Variants in PCNX4 observed in about 807,000 individuals in gnomAD.
The protein encoded by PCNX4 is pecanex-like protein 4.
PCNX4 carries 103 observed loss-of-function variants against 107.2 expected under a neutral mutation model. That is an observed-to-expected ratio of 0.96 (90% CI 0.82 to 1.13). The LOEUF is 1.13. PCNX4 is among the 50% of genes most tolerant of loss of function. The pLI, the probability that PCNX4 is intolerant of heterozygous loss-of-function variation, is 0.00. For missense variants in PCNX4, 1,528 were observed against 1,379.4 expected, an observed-to-expected ratio of 1.11 and a Z score of -1.71; for synonymous variants, 541 against 481.7, an observed-to-expected ratio of 1.12 and a Z score of -1.61.
chr14:60,126,778 G>A (rs1371838688), intron 10 of PCNX4, among the ~76,000 whole-genome samples: 2 of 152,158 alleles, frequency 1.3e-5, no homozygotes, highest in Non-Finnish European at 2.9e-5. Flanking sequence ...CTGGCCAACC[G>A]CACTTACGGG....
At position 60,118,358 on chromosome 14, in the gene PCNX4, G is replaced by A. The variant is rs757648965; in HGVS notation, c.1608G>A (p.Gln536=). The change falls in exon 7 of 11, where the codon CAG becomes CAA. Residue 536 remains glutamine (Q), a synonymous_variant. Coordinates refer to ENST00000406854, the MANE Select transcript of PCNX4 (RefSeq NM_001330177.2). ...LVGIIRDRLI[Q]FISKLQFAVT... ...GTATCATACGTGATCGTTTGATTCA[G>A]TTCATCTCTAAATTGCAGTTTGCCG... 2 of 1,612,466 alleles carry A rather than the reference G, an allele frequency of 1.2e-6. No homozygotes were observed. Among genetic ancestry groups the A allele is most frequent in the African/African-American group, 1.3e-5 (1 of 75,008 alleles).
At chr14:60,105,050 A>G (rs1444213015) in intron 1 of PCNX4, among the ~76,000 whole-genome samples, 2 of 152,158 alleles carry the variant, frequency 1.3e-5, no homozygotes, top group African/African-American at 4.8e-5. Flanking sequence ...CATTATACCA[A>G]TTATGCATTC....
At position 60,144,078 on chromosome 14, in the gene PCNX4, T is replaced by C. The variant is rs1896340552; in HGVS notation, c.*9857T>C. On this transcript the variant is annotated 3_prime_UTR_variant, in exon 11 of 11. Coordinates refer to ENST00000406854, the MANE Select transcript of PCNX4 (RefSeq NM_001330177.2). ...TAATACCATCTATCTTAGTGGGCTG[T>C]TATGAGGAATGAGTTAATTAACTAA... 6.6e-6 allele frequency: 1 copy of C among 152,170 alleles called. No individual in the cohort carries two copies. The highest frequency in any genetic ancestry group is 1.9e-4 in the East Asian group (1 of 5,200). 9.4% of individuals were successfully genotyped at this position (152,170 alleles called of 1,614,324 possible).
chr14:60,102,295 A>G (rs1895547084), intron 1 of PCNX4, among the ~76,000 whole-genome samples: 1 of 147,352 alleles, frequency 6.8e-6, no homozygotes. Flanking sequence ...AAATCAACCA[A>G]TCAATAAAAA....
chr14:60,102,908 T>C (rs532703848), intron 1 of PCNX4, among the ~76,000 whole-genome samples: 1 of 152,304 alleles, frequency 6.6e-6, no homozygotes, highest in South Asian at 2.1e-4. Context: ...CTCCTACAAA[T>C]AAAGTATTTT....
At chr14:60,122,022 TG>T (rs1895964910) in intron 8 of PCNX4, among the ~76,000 whole-genome samples, 2 of 152,208 alleles carry the variant, frequency 1.3e-5, no homozygotes, top group Admixed American at 6.5e-5. Context: ...TCTGTCCTTC[TG>T]GTTGTTCAGG....
intron 6 of PCNX4, 111 bp from the exon 7 acceptor site, chr14:60,118,218 C>T: frequency 1.5e-6 from 2 of 1,294,374 alleles, no homozygotes; most frequent in Non-Finnish European, 9.9e-7. Context: ...TTTATTTCTT[C>T]AAAAATACTG....
chr14:60,112,509 A>T (rs570413957), intron 2 of PCNX4, among the ~76,000 whole-genome samples: 3 of 152,342 alleles, frequency 2.0e-5, no homozygotes, highest in African/African-American at 7.2e-5. Flanking sequence ...TATACAGGAG[A>T]ATAATCACAA....
At position 60,096,585 on chromosome 14, in the gene PCNX4, A is replaced by G. The variant is rs143870654; in HGVS notation, c.-54+4166A>G. 4.9e-3 allele frequency among the ~76,000 whole-genome samples: 752 copies of G among 152,358 alleles called. 14 individuals are homozygous for G. Among genetic ancestry groups the G allele is most frequent in the African/African-American group, 0.017 (711 of 41,586 alleles). On this transcript the variant is annotated intron_variant, in intron 1 of 10. Transcript: ENST00000406854. ...AACCACTCTGGAGGTAACCACGGCCATAAGTTAGTGCCACATAGCCAATAT... is the reference window on the plus strand; with the variant it reads ...AACCACTCTGGAGGTAACCACGGCCGTAAGTTAGTGCCACATAGCCAATAT...
At position 60,108,318 on chromosome 14, in the gene PCNX4, T is replaced by C. The variant is rs764617820; in HGVS notation, c.680T>C (p.Leu227Pro). The change falls in exon 2 of 11, where the codon CTG becomes CCG. Residue 227 changes from leucine (L) to proline (P), a missense_variant. By Grantham distance (98) the Leu-to-Pro change is moderately conservative. Transcript: ENST00000406854. The stretch of plus-strand genomic sequence containing the variant: ...ATTTTTTTCTTTGTTTCTGTGGATC[T>C]GGCACACAGGTAAAAACCTACCAAA... ...LYIFFFVSVD[L>P]AHRFVVNMPA... The C allele has an allele frequency of 1.9e-6, 3 of 1,604,736 alleles. No homozygotes were observed. Among genetic ancestry groups the C allele is most frequent in the Non-Finnish European group, 2.6e-6 (3 of 1,175,736 alleles).
intron 9 of PCNX4, 130 bp from the exon 10 acceptor site, chr14:60,125,507 C>G (rs1478531969): frequency 1.3e-6 from 1 of 788,950 alleles, no homozygotes; most frequent in East Asian, 3.1e-5. Context: ...ATCATTTCTT[C>G]CTCCACTTTT....
intron 8 of PCNX4, among the ~76,000 whole-genome samples, chr14:60,122,627 T>C (rs1220075036): frequency 1.3e-5 from 2 of 152,094 alleles, no homozygotes; most frequent in East Asian, 1.9e-4. Flanking sequence ...ATAGTACTTA[T>C]ACCTTCTCAC....
chr14:60,119,201 C>T (rs888121837), intron 7 of PCNX4, among the ~76,000 whole-genome samples: 2 of 152,130 alleles, frequency 1.3e-5, no homozygotes, highest in Middle Eastern at 3.2e-3. Context: ...TCAGTAGGTA[C>T]GGTAGCCTCC....
chr14:60,103,449 C>G (rs1895570942), intron 1 of PCNX4, among the ~76,000 whole-genome samples: 1 of 152,184 alleles, frequency 6.6e-6, no homozygotes, highest in Non-Finnish European at 1.5e-5. Flanking sequence ...TCAAACTGCC[C>G]TGACCACAGA....
rs1302324770 is a variant in PCNX4 at position 60,143,535 on chromosome 14, C to T, written c.*9314C>T. The T allele has an allele frequency of 1.3e-5, 2 of 152,220 alleles. No homozygotes were observed. Among genetic ancestry groups the T allele is most frequent in the African/African-American group, 4.8e-5 (2 of 41,440 alleles). The allele number at this position is 152,220 out of a possible 1,614,324, so 9.4% of individuals were successfully genotyped here. A position where few individuals can be genotyped will look rare whatever the true frequency, so the allele number is the denominator to read the frequency against. ...TGTTTTCTTGCAAAATGAGCACTAT[C>T]TTCTGTGCACATATATTTGTGTATG... On this transcript the variant is annotated 3_prime_UTR_variant, in exon 11 of 11. Transcript: ENST00000406854.
rs574555144 is a variant in PCNX4 at position 60,132,847 on chromosome 14, G to A, written c.3268-1123G>A. Among the ~76,000 whole-genome samples the A allele has an allele frequency of 1.5e-3, 233 of 152,260 alleles. 2 individuals carry two copies. The highest frequency in any genetic ancestry group is 2.8e-3 in the Non-Finnish European group (192 of 68,008). ...CAAGTTGCCAATAAGTACATGAGAAGTGCTCCGTATAATTAGTCATCAGGG... is the reference window on the plus strand; with the variant it reads ...CAAGTTGCCAATAAGTACATGAGAAATGCTCCGTATAATTAGTCATCAGGG... On this transcript the variant is annotated intron_variant, in intron 10 of 10. Coordinates refer to ENST00000406854, the MANE Select transcript of PCNX4 (RefSeq NM_001330177.2).
At chr14:60,133,833 C>A in intron 10 of PCNX4, 137 bp from the exon 11 acceptor site, 1 of 806,488 alleles carries the variant, frequency 1.2e-6, no homozygotes, top group Non-Finnish European at 1.9e-6. Flanking sequence ...TTTTTAAACA[C>A]TACTTTCTGT....
chr14:60,114,302 T>A (rs1335160943), intron 2 of PCNX4, among the ~76,000 whole-genome samples: 1 of 152,226 alleles, frequency 6.6e-6, no homozygotes, highest in Non-Finnish European at 1.5e-5. Context: ...GAATCATTGG[T>A]AGAATTTCAG....
intron 1 of PCNX4, among the ~76,000 whole-genome samples, chr14:60,095,741 C>T (rs1438402051): frequency 6.6e-6 from 1 of 151,114 alleles, no homozygotes; most frequent in African/African-American, 2.4e-5. Context: ...AAGTTCAGGT[C>T]CCCAGTCTCT....
Sources: allele counts gnomAD v4.1 joint callset (sites outside exome capture counted in the v4.1 genomes callset), GRCh38; gene constraint gnomAD v4.1.1; transcripts MANE v1.5; gene names NCBI Gene and HGNC (gene_info 2026-07-23, HGNC 2026-07-21).